The following LOC128462377 variants were observed in gnomAD, a reference collection of about 807,000 sequenced individuals.
the LOC128462377 span, chr16:89,320,494 G>C: frequency 3.3e-5 from 5 of 152,238 alleles, no homozygotes; most frequent in Admixed American, 6.5e-5. Context: ...TAAACGCAGA[G>C]CCGAGGGGCC....
At chr16:89,339,933 T>G in the LOC128462377 span, 3 of 152,338 alleles carry the variant, frequency 2.0e-5, no homozygotes, top group Admixed American at 2.0e-4. Flanking sequence ...GGACGGTTCC[T>G]GCCGTACCTT....
the LOC128462377 span, among the ~76,000 whole-genome samples, chr16:89,416,500 T>C: frequency 2.6e-5 from 4 of 152,308 alleles, no homozygotes; most frequent in Admixed American, 1.3e-4. Flanking sequence ...GGTTTCACCA[T>C]GTTGGCAGGC....
the LOC128462377 span, among the ~76,000 whole-genome samples, chr16:89,382,114 G>A: frequency 5.9e-5 from 9 of 151,942 alleles, no homozygotes; most frequent in Admixed American, 4.6e-4. Flanking sequence ...AGGGGGACGC[G>A]GCCTCCCAGC....
the LOC128462377 span, among the ~76,000 whole-genome samples, chr16:89,401,490 T>C: frequency 6.6e-6 from 1 of 152,248 alleles, no homozygotes; most frequent in African/African-American, 2.4e-5. Flanking sequence ...AATCCTTATT[T>C]TGTAAAAAGT....
chr16:89,359,939 C>G, the LOC128462377 span, among the ~76,000 whole-genome samples: 1 of 151,760 alleles, frequency 6.6e-6, no homozygotes, highest in African/African-American at 2.4e-5. Flanking sequence ...TGAGGGTGTA[C>G]TACATAAGTA....
chr16:89,381,652 TGC>T, the LOC128462377 span, among the ~76,000 whole-genome samples: 2 of 152,170 alleles, frequency 1.3e-5, no homozygotes, highest in Non-Finnish European at 2.9e-5. Context: ...CTGTCACAAA[TGC>T]GCATCACAGA....
chr16:89,364,909 C>A, the LOC128462377 span, among the ~76,000 whole-genome samples: 1 of 152,226 alleles, frequency 6.6e-6, no homozygotes, highest in East Asian at 1.9e-4. Flanking sequence ...TCATCGAATG[C>A]TGAATACCTG....
the LOC128462377 span, chr16:89,320,479 G>T: frequency 6.6e-6 from 1 of 152,260 alleles, no homozygotes; most frequent in Non-Finnish European, 1.5e-5. Context: ...ACAGCCGCGG[G>T]AAGGTAAACG....
chr16:89,337,607 T>G, the LOC128462377 span, among the ~76,000 whole-genome samples: 1 of 151,750 alleles, frequency 6.6e-6, no homozygotes, highest in African/African-American at 2.4e-5. Flanking sequence ...CAGATAATTT[T>G]TTTGTATTTT....
At chr16:89,405,961 C>T in the LOC128462377 span, among the ~76,000 whole-genome samples, 1 of 151,970 alleles carries the variant, frequency 6.6e-6, no homozygotes, top group Non-Finnish European at 1.5e-5. Context: ...AAGACAAAAA[C>T]TTACCGGGCG....
chr16:89,321,803 C>T, the LOC128462377 span, among the ~76,000 whole-genome samples: 3 of 152,120 alleles, frequency 2.0e-5, no homozygotes, highest in African/African-American at 2.4e-5. Context: ...GTTTGCACTG[C>T]GTGGGTTCAC....
the LOC128462377 span, among the ~76,000 whole-genome samples, chr16:89,362,386 G>A: frequency 3.9e-5 from 6 of 152,188 alleles, no homozygotes; most frequent in Non-Finnish European, 8.8e-5. Flanking sequence ...ACCTGAGCTG[G>A]AGAGAGTGCA....
At chr16:89,359,803 T>C in the LOC128462377 span, among the ~76,000 whole-genome samples, 1 of 152,312 alleles carries the variant, frequency 6.6e-6, no homozygotes, top group East Asian at 1.9e-4. Context: ...TGCAGAAAGA[T>C]AAGATAGTTT....
the LOC128462377 span, among the ~76,000 whole-genome samples, chr16:89,381,331 C>CAAAAA: frequency 3.2e-3 from 247 of 76,364 alleles, 2 homozygotes; most frequent in African/African-American, 0.014. Flanking sequence ...GACTCTGCTG[C>CAAAAA]AAAAAAAAAA....
the LOC128462377 span, among the ~76,000 whole-genome samples, chr16:89,387,229 TAAA>T: frequency 1.4e-5 from 2 of 139,472 alleles, no homozygotes; most frequent in Non-Finnish European, 1.6e-5. Flanking sequence ...AGTGCCAAGT[TAAA>T]AAAAAAAAAA....
chr16:89,379,732 G>A, the LOC128462377 span, among the ~76,000 whole-genome samples: 4 of 152,218 alleles, frequency 2.6e-5, no homozygotes, highest in South Asian at 2.1e-4. Flanking sequence ...TGCGAAGAAC[G>A]TGTTGGTTCT....
the LOC128462377 span, among the ~76,000 whole-genome samples, chr16:89,402,966 G>A: frequency 1.6e-3 from 247 of 152,224 alleles, 2 homozygotes; most frequent in African/African-American, 5.6e-3. Flanking sequence ...CCTCTTTTCC[G>A]CCTGGGCTCC....
At chr16:89,345,587 G>A in the LOC128462377 span, among the ~76,000 whole-genome samples, 1 of 152,204 alleles carries the variant, frequency 6.6e-6, no homozygotes, top group South Asian at 2.1e-4. Context: ...CCAGTCTCAG[G>A]CATTTTGTTA....
At chr16:89,357,360 C>T in the LOC128462377 span, among the ~76,000 whole-genome samples, 1 of 152,128 alleles carries the variant, frequency 6.6e-6, no homozygotes, top group African/African-American at 2.4e-5. Context: ...CAGCACCTCA[C>T]AGGGAACCAG....
Sources: allele counts gnomAD v4.1 joint callset (sites outside exome capture counted in the v4.1 genomes callset), GRCh38; gene constraint gnomAD v4.1.1; transcripts MANE v1.5.